SIN3B: variants seen among roughly 807,000 people sequenced by gnomAD.
SIN3B encodes the protein paired amphipathic helix protein Sin3b.
In SIN3B, 19 loss-of-function variants were observed where a neutral mutation model predicts 120.2. The observed-to-expected ratio is 0.16, with a 90% CI of 0.11 to 0.23. SIN3B has a LOEUF of 0.23. Among genes scored for constraint, SIN3B ranks in the 10% least tolerant of loss-of-function variants. SIN3B has a pLI of 1.00. For synonymous variants in SIN3B, 654 were observed against 653.2 expected, an observed-to-expected ratio of 1.00 and a Z score of -0.02; for missense variants, 1,073 against 1,573.0, an observed-to-expected ratio of 0.68 and a Z score of 5.38.
chr19:16,833,796 T>A (rs1209672033), intron 3 of SIN3B, among the ~76,000 whole-genome samples: 1 of 150,468 alleles, frequency 6.6e-6, no homozygotes, highest in Non-Finnish European at 1.5e-5. Context: ...CAATCTCGGC[T>A]CCCTGCAACC....
rs1971318752 is a variant in SIN3B at position 16,834,396 on chromosome 19, C to G, written c.381+2749C>G. On this transcript the variant is annotated intron_variant, in intron 3 of 18. Transcript: ENST00000248054. ...CTCGGCTTTCAGGGCTAGATCTTGA[C>G]AGGCGCCACACTGGTTGTATTTGGA... Among the ~76,000 whole-genome samples the G allele has an allele frequency of 2.0e-5, 3 of 152,190 alleles. 1 individual carries two copies. In the South Asian group the frequency reaches 6.2e-4, roughly 31 times the overall value.
chr19:16,868,300 C>A (rs1005099858), intron 12 of SIN3B, among the ~76,000 whole-genome samples: 1 of 152,160 alleles, frequency 6.6e-6, no homozygotes, highest in African/African-American at 2.4e-5. Context: ...CTCTAAGCCG[C>A]CTTGCAGGGG....
rs897927742 is a variant in SIN3B at position 16,871,247 on chromosome 19, A to C, written c.2441A>C (p.Glu814Ala). Residue 814 changes from glutamate (E) to alanine (A), a missense_variant, in exon 14 of 19, where the codon GAG becomes GCG. Physicochemically the swap from Glu to Ala is moderately radical, Grantham distance 107 (BLOSUM62 -1). Coordinates refer to ENST00000248054, the MANE Select transcript of SIN3B (RefSeq NM_001297595.2). ...LKQPSEVELEEYYPAFLDMVR... is the reference protein window; with the variant it reads ...LKQPSEVELEAYYPAFLDMVR... The stretch of plus-strand genomic sequence containing the variant: ...TCCGCAGGTGAAGTGGAGCTGGAGG[A>C]GTACTACCCGGCCTTCCTGGACATG... 5.6e-6 allele frequency: 9 copies of C among 1,614,058 alleles called. No homozygotes were observed. Among genetic ancestry groups the C allele is most frequent in the Non-Finnish European group, 7.6e-6 (9 of 1,180,028 alleles).
At chr19:16,840,123 G>C (rs1971398475) in intron 3 of SIN3B, among the ~76,000 whole-genome samples, 1 of 152,118 alleles carries the variant, frequency 6.6e-6, no homozygotes, top group Admixed American at 6.5e-5. Context: ...TGTACCCATT[G>C]TTCTGGGCAG....
chr19:16,832,337 A>T (rs1971289835), intron 3 of SIN3B, among the ~76,000 whole-genome samples: 1 of 151,550 alleles, frequency 6.6e-6, no homozygotes, highest in African/African-American at 2.4e-5. Context: ...AGCTGGGATT[A>T]CAGGTGTGCA....
chr19:16,831,718 G>T, intron 3 of SIN3B, 71 bp downstream of exon 3: 1 of 1,390,500 alleles, frequency 7.2e-7, no homozygotes. Context: ...GTTGGGCCAC[G>T]TGTCTCTCCT....
chr19:16,845,769 G>C (rs1298559465), intron 4 of SIN3B, among the ~76,000 whole-genome samples: 1 of 151,224 alleles, frequency 6.6e-6, no homozygotes, highest in Non-Finnish European at 1.5e-5. Flanking sequence ...GCCTAGGCTG[G>C]AGTATGCACT....
At position 16,862,908 on chromosome 19, in the gene SIN3B, G is replaced by T; in HGVS notation, c.1266+349G>T. ...GCTTGACCATTGGACACTTCTCCAG[G>T]GTTCGTGGACAGACGATTACTGCAT... On this transcript the variant is annotated intron_variant, in intron 9 of 18. Coordinates refer to ENST00000248054, the MANE Select transcript of SIN3B (RefSeq NM_001297595.2). This position sits in a 1 kb window ranked among gnomAD's most constrained non-coding sequence, Gnocchi z 4.7. 1 of 1,614,210 alleles carries T rather than the reference G, an allele frequency of 6.2e-7. No homozygotes were observed. Among genetic ancestry groups the T allele is most frequent in the Non-Finnish European group, 8.5e-7 (1 of 1,180,018 alleles).
At chr19:16,874,388 T>C (rs963880851) in intron 14 of SIN3B, among the ~76,000 whole-genome samples, 5 of 147,118 alleles carry the variant, frequency 3.4e-5, no homozygotes, top group African/African-American at 7.4e-5. Context: ...TTGGTCTGGT[T>C]TGGTCTGGTC....
In SIN3B at chr19:16,865,590, G is replaced by T; in HGVS notation, c.1564G>T (p.Glu522Ter). 6.2e-7 allele frequency: 1 copy of T among 1,612,880 alleles called. No homozygotes were observed. Residue 522 changes from glutamate to a stop codon, truncating the protein, a stop_gained, in exon 11 of 19, where the codon GAG becomes TAG. Coordinates refer to ENST00000248054, the MANE Select transcript of SIN3B (RefSeq NM_001297595.2). LOFTEE classifies it high-confidence loss of function. ...IYRIYGDKAP[E>*]IIESLKKNPV... ...TCGCATCTATGGCGACAAGGCCCCG[G>T]AGATCATCGAGAGCCTCAAGAAGAA...
chr19:16,829,416 C>G lies in SIN3B; in HGVS notation c.-5C>G, dbSNP rs551046058. ...GCGGGGCGGGGCGCAGCTCCGACTT[C>G]GGACATGGCGCACGCTGGCGGTGGC... On this transcript the variant is annotated 5_prime_UTR_variant, in exon 1 of 19. Coordinates refer to ENST00000248054, the MANE Select transcript of SIN3B (RefSeq NM_001297595.2). 1.7e-6 allele frequency: 2 copies of G among 1,203,750 alleles called. No individual in the cohort carries two copies. The highest frequency in any genetic ancestry group is 6.9e-5 in the East Asian group (2 of 29,170). 74.6% of individuals were successfully genotyped at this position (1,203,750 alleles called of 1,614,324 possible).
chr19:16,875,625 CTGGTCTGGTCTGGTCTGTT>C (rs1251774613), intron 14 of SIN3B, among the ~76,000 whole-genome samples: 19 of 130,654 alleles, frequency 1.5e-4, no homozygotes, highest in African/African-American at 3.3e-4. Context: ...TGGTTTGGGT[CTGGTCTGGTCTGGTCTGTT>C]TGGTCTGGTC....
At chr19:16,834,795 C>T (rs1215011030) in intron 3 of SIN3B, among the ~76,000 whole-genome samples, 2 of 152,118 alleles carry the variant, frequency 1.3e-5, no homozygotes, top group African/African-American at 2.4e-5. Context: ...CCATGACTCG[C>T]GTGGCTTCAG....
chr19:16,858,464 C>T (rs549742450), intron 8 of SIN3B, among the ~76,000 whole-genome samples: 209 of 152,248 alleles, frequency 1.4e-3, no homozygotes, highest in African/African-American at 4.7e-3. Flanking sequence ...TATCATCTTC[C>T]CAAGGGGACC....
At chr19:16,855,976 G>C (rs1466234232) in intron 8 of SIN3B, among the ~76,000 whole-genome samples, 1 of 152,076 alleles carries the variant, frequency 6.6e-6, no homozygotes, top group Non-Finnish European at 1.5e-5. Flanking sequence ...AGGATAGCTT[G>C]AGCCAGGGAG....
chr19:16,844,012 G>A (rs1471326058), intron 4 of SIN3B: 1 of 152,258 alleles, frequency 6.6e-6, no homozygotes, highest in African/African-American at 2.4e-5. Context: ...CCGACGCCCA[G>A]CTAAGGGCTA....
chr19:16,847,240 A>G, intron 5 of SIN3B, 127 bp downstream of exon 5: 1 of 1,056,652 alleles, frequency 9.5e-7, no homozygotes, highest in Non-Finnish European at 1.3e-6. Flanking sequence ...CCCAGAAGCT[A>G]CGCAGGTTGC....
intron 3 of SIN3B, among the ~76,000 whole-genome samples, chr19:16,832,024 C>G (rs966621982): frequency 6.6e-6 from 1 of 152,136 alleles, no homozygotes; most frequent in African/African-American, 2.4e-5. Context: ...TCGTCTGCCT[C>G]TGATCACTCT....
chr19:16,840,025 G>A (rs1425872172), intron 3 of SIN3B, among the ~76,000 whole-genome samples: 3 of 151,996 alleles, frequency 2.0e-5, no homozygotes, highest in African/African-American at 7.3e-5. Flanking sequence ...AACAAATCCC[G>A]CCACCAAGGA....
Sources: allele counts gnomAD v4.1 joint callset (sites outside exome capture counted in the v4.1 genomes callset), GRCh38; gene constraint gnomAD v4.1.1; non-coding constraint Gnocchi (gnomAD v3.1); transcripts MANE v1.5; gene names NCBI Gene and HGNC (gene_info 2026-07-23, HGNC 2026-07-21).